The following TEKT5 variants were observed in gnomAD, a reference collection of about 807,000 sequenced individuals.
TEKT5 encodes tektin-5.
In TEKT5, 52 loss-of-function variants were observed where a neutral mutation model predicts 48.7. The observed-to-expected ratio is 1.07, with a 90% CI of 0.86 to 1.35. TEKT5 has a LOEUF of 1.35. TEKT5 is among the 40% of genes most tolerant of loss of function. The probability of loss-of-function intolerance (pLI) is 0.00; values close to 1 mark genes in which losing one functional copy is unlikely to be tolerated. For missense variants in TEKT5, 831 were observed against 641.6 expected, an observed-to-expected ratio of 1.30 and a Z score of -3.19; for synonymous variants, 318 against 267.6, an observed-to-expected ratio of 1.19 and a Z score of -1.84.
In TEKT5 at chr16:10,694,919, A is replaced by C. The variant is rs1899057666; in HGVS notation, c.-46T>G. 1.3e-6 allele frequency: 2 copies of C among 1,498,174 alleles called. No individual in the cohort carries two copies. The allele number at this position is 1,498,174 out of a possible 1,614,324, so 92.8% of individuals were successfully genotyped here. ...CGGGCAAAACTCAGCTCAAGGAGCC[A>C]AAGGCATCACCAGGAAAGGTGAAAG... On this transcript the variant is annotated 5_prime_UTR_variant, in exon 1 of 7. Transcript: ENST00000283025.
Position 10,694,754 on chromosome 16 carries a change from G to A in TEKT5, c.120C>T (p.Tyr40=), listed in dbSNP as rs372381105. ...AATTGAGGTAGCGGTACCCGGGCAG[G>A]TAGTAGGGCTGATAGCATTCCTGGA... ...PVIQECYQPY[Y]LPGYRYLNSW... The change falls in exon 1 of 7, where the codon TAC becomes TAT. Residue 40 remains tyrosine (Y), a synonymous_variant. Transcript: ENST00000283025. 10 of 1,614,026 alleles carry A rather than the reference G, an allele frequency of 6.2e-6. No homozygotes were observed. The African/African-American group carries it at 9.3e-5, about 15-fold the overall frequency.
At chr16:10,676,303 C>T (rs12925749) in intron 4 of TEKT5, 122 bp from the exon 5 acceptor site, 106,561 of 940,888 alleles carry the variant, frequency 0.11, 6,546 homozygotes, top group African/African-American at 0.13. Context: ...TTGTAGGGTG[C>T]TTGGGATGTT....
intron 3 of TEKT5, 44 bp from the exon 4 acceptor site, chr16:10,682,180 G>C: frequency 1.9e-6 from 3 of 1,598,688 alleles, no homozygotes; most frequent in Non-Finnish European, 1.7e-6. Context: ...CACCTGCACA[G>C]AGTACCCAGC....
At chr16:10,629,442 T>G (rs1897804897) in intron 6 of TEKT5, among the ~76,000 whole-genome samples, 1 of 152,058 alleles carries the variant, frequency 6.6e-6, no homozygotes, top group Non-Finnish European at 1.5e-5. Flanking sequence ...GTAGAGACAG[T>G]GTTTCACCAT....
chr16:10,691,701 C>A (rs1898980208), intron 1 of TEKT5, among the ~76,000 whole-genome samples: 1 of 152,102 alleles, frequency 6.6e-6, no homozygotes, highest in Non-Finnish European at 1.5e-5. Context: ...GTAATCCCAG[C>A]ACTTTGGGAG....
intron 5 of TEKT5, among the ~76,000 whole-genome samples, chr16:10,645,872 G>C (rs546646971): frequency 1.3e-5 from 2 of 151,908 alleles, no homozygotes; most frequent in Admixed American, 6.6e-5. Context: ...CTTAGTGCCT[G>C]TAATTCCAGC....
At chr16:10,690,514 G>A (rs1313106325) in intron 1 of TEKT5, 8 of 947,286 alleles carry the variant, frequency 8.4e-6, no homozygotes, top group Admixed American at 6.2e-5. Context: ...GTGCCATATT[G>A]GTGCCTATCT....
chr16:10,628,905 C>CAAAAAAAA lies in TEKT5; in HGVS notation c.1242-1114_1242-1107dup, dbSNP rs201157132. ...TGGGAGCCTGAGCGAAACTCTGTCTCAAAAAAAAAAAAAAAAAGGAATGAA... is the reference window on the plus strand; with the variant it reads ...TGGGAGCCTGAGCGAAACTCTGTCTCAAAAAAAAAAAAAAAAAAAAAAAAAGGAATGAA... On this transcript the variant is annotated intron_variant, in intron 6 of 6. Transcript: ENST00000283025. Among the ~76,000 whole-genome samples, 334 of 79,268 alleles carry CAAAAAAAA rather than the reference C, an allele frequency of 4.2e-3. 8 individuals are homozygous for CAAAAAAAA. Among genetic ancestry groups the CAAAAAAAA allele is most frequent in the African/African-American group, 0.013 (308 of 24,454 alleles). The allele number at this position is 79,268 out of a possible 152,430, so 52.0% of individuals were successfully genotyped here. A position where few individuals can be genotyped will look rare whatever the true frequency, so the allele number is the denominator to read the frequency against.
At chr16:10,638,888 G>C (rs556589603) in intron 5 of TEKT5, among the ~76,000 whole-genome samples, 1 of 152,326 alleles carries the variant, frequency 6.6e-6, no homozygotes, top group African/African-American at 2.4e-5. Context: ...AAAACAAAAA[G>C]TACTATCTGC....
rs1362363824 is a variant in TEKT5 at position 10,690,037 on chromosome 16, A to T, written c.565-12T>A. The T allele has an allele frequency of 6.2e-7, 1 of 1,613,744 alleles. No homozygotes were observed. Among genetic ancestry groups the T allele is most frequent in the Non-Finnish European group, 8.5e-7 (1 of 1,179,910 alleles). The stretch of plus-strand genomic sequence containing the variant: ...CACTCCAAGGCCACCTGTGGGAAGC[A>T]GCAGAAAGAACGTATTCTTCCTGTA... On this transcript the variant is annotated splice_polypyrimidine_tract_variant and intron_variant, in intron 1 of 6. Coordinates refer to ENST00000283025, the MANE Select transcript of TEKT5 (RefSeq NM_144674.2).
In TEKT5 at chr16:10,635,937, G is replaced by C. The variant is rs1014207027; in HGVS notation, c.1087-19C>G. On this transcript the variant is annotated intron_variant, in intron 5 of 6. Coordinates refer to ENST00000283025, the MANE Select transcript of TEKT5 (RefSeq NM_144674.2). ...GCAGCGTCTGCGAGGGAACACACAG[G>C]TGTCACCACCCACCAGGCCCTTCTG... is the stretch of plus-strand genomic sequence containing the variant. 6.2e-7 allele frequency: 1 copy of C among 1,611,974 alleles called. No homozygotes were observed. Among genetic ancestry groups the C allele is most frequent in the Non-Finnish European group, 8.5e-7 (1 of 1,179,540 alleles).
intron 5 of TEKT5, among the ~76,000 whole-genome samples, chr16:10,645,563 G>GAGCCTCAAACTCAT (rs1898057275): frequency 6.6e-6 from 1 of 152,086 alleles, no homozygotes; most frequent in East Asian, 1.9e-4. Context: ...AGCACTTTGG[G>GAGCCTCAAACTCAT]AGGCCAAAGC....
intron 4 of TEKT5, among the ~76,000 whole-genome samples, chr16:10,678,464 T>G (rs1078313): frequency 0.5 from 76,348 of 151,876 alleles, 20,903 homozygotes; most frequent in East Asian, 0.82. Context: ...ATCATATAGC[T>G]TGTGTGATTG....
chr16:10,644,138 T>C (rs1346540778), intron 5 of TEKT5, among the ~76,000 whole-genome samples: 1 of 152,254 alleles, frequency 6.6e-6, no homozygotes, highest in East Asian at 1.9e-4. Flanking sequence ...GCTTGCACTG[T>C]ATTTCTAATG....
At chr16:10,638,790 C>T (rs2142262153) in intron 5 of TEKT5, among the ~76,000 whole-genome samples, 2 of 152,256 alleles carry the variant, frequency 1.3e-5, no homozygotes, top group South Asian at 4.2e-4. Context: ...GAGGATAATT[C>T]AAAGAAACAA....
At chr16:10,666,970 G>A (rs1348597772) in intron 5 of TEKT5, among the ~76,000 whole-genome samples, 1 of 136,100 alleles carries the variant, frequency 7.3e-6, no homozygotes, top group Non-Finnish European at 1.5e-5. Context: ...CCTAACACTG[G>A]CTCCTTACTT....
chr16:10,647,192 G>T (rs1299478248), intron 5 of TEKT5, among the ~76,000 whole-genome samples: 3 of 152,058 alleles, frequency 2.0e-5, no homozygotes, highest in Admixed American at 2.0e-4. Flanking sequence ...CCAGTGGGCT[G>T]GGCGCGGTGG....
chr16:10,691,688 C>T (rs1378822847), intron 1 of TEKT5, among the ~76,000 whole-genome samples: 1 of 152,108 alleles, frequency 6.6e-6, no homozygotes, highest in Non-Finnish European at 1.5e-5. Flanking sequence ...GTGGCTCACG[C>T]CTGTAATCCC....
At chr16:10,629,016 G>A (rs1160774162) in intron 6 of TEKT5, among the ~76,000 whole-genome samples, 4 of 152,052 alleles carry the variant, frequency 2.6e-5, no homozygotes, top group South Asian at 2.1e-4. Context: ...CAAATATTGC[G>A]TGACTGCATG....
Sources: gnomAD v4.1 joint callset for allele counts (sites outside exome capture counted in the v4.1 genomes callset) on GRCh38, gnomAD v4.1.1 for gene constraint, MANE v1.5 for transcripts, NCBI Gene and HGNC (gene_info 2026-07-23, HGNC 2026-07-21) for gene names.